Variants in SORCS1 observed in about 807,000 individuals in gnomAD.
The protein encoded by SORCS1 is VPS10 domain-containing receptor SorCS1.
A neutral mutation model predicts 146.1 loss-of-function variants in SORCS1; 60 were observed. The ratio of observed to expected loss-of-function variants is 0.41; its 90% CI spans 0.33 to 0.51. The LOEUF (loss-of-function observed/expected upper bound fraction) is 0.51. Ranked by LOEUF, SORCS1 falls within the 20% of genes least tolerant of loss-of-function variation. SORCS1 has a pLI of 0.21. For synonymous variants in SORCS1, 637 were observed against 584.0 expected (o/e 1.09, Z -1.31); for missense variants, 1,352 against 1,487.6 (o/e 0.91, Z 1.50).
chr10:107,153,836 T>C (rs917273313), intron 1 of SORCS1, among the ~76,000 whole-genome samples: 3 of 152,132 alleles, frequency 2.0e-5, no homozygotes, highest in Admixed American at 6.5e-5. Flanking sequence ...ACAAAAAGAA[T>C]GAACACAAGA....
intron 2 of SORCS1, among the ~76,000 whole-genome samples, chr10:106,849,686 T>A (rs1949463568): frequency 6.6e-6 from 1 of 151,106 alleles, no homozygotes; most frequent in Admixed American, 6.6e-5. Flanking sequence ...TTCCAGTTTT[T>A]CTGTTCTGTT....
intron 1 of SORCS1, among the ~76,000 whole-genome samples, chr10:107,110,978 T>G (rs1438570722): frequency 6.6e-6 from 1 of 152,074 alleles, no homozygotes; most frequent in Non-Finnish European, 1.5e-5. Flanking sequence ...CTGCCAACTG[T>G]GGGTCCCCTC....
chr10:106,940,298 C>T (rs1182107797), intron 2 of SORCS1, among the ~76,000 whole-genome samples: 6 of 152,188 alleles, frequency 3.9e-5, no homozygotes, highest in South Asian at 2.1e-4. Context: ...ACAGATGACA[C>T]AGATAACATA....
At chr10:106,752,500 C>A (rs1330095525) in intron 5 of SORCS1, among the ~76,000 whole-genome samples, 3 of 152,272 alleles carry the variant, frequency 2.0e-5, no homozygotes, top group East Asian at 3.9e-4. Flanking sequence ...CTTACTAGTG[C>A]TTACTATTAC....
At position 107,164,460 on chromosome 10, in the gene SORCS1, G is replaced by A. The variant is rs898197054; in HGVS notation, c.67C>T (p.Leu23Phe). The A allele has an allele frequency of 3.6e-6, 5 of 1,372,244 alleles. No individual in the cohort carries two copies. Among genetic ancestry groups the A allele is most frequent in the Non-Finnish European group, 3.7e-6 (4 of 1,070,782 alleles). The allele number at this position is 1,372,244 out of a possible 1,614,324, so 85.0% of individuals were successfully genotyped here. Reference protein sequence around the residue: ...RLSALLAGAGLLILCAPGVCG... With the variant: ...RLSALLAGAGFLILCAPGVCG... ...ACGCCCGGGGCGCAGAGGATCAAGA[G>A]CCCCGCGCCGGCGAGGAGCGCGCTC... The change falls in exon 1 of 26, where the codon CTC (leucine) becomes TTC (phenylalanine). Residue 23 changes from leucine to phenylalanine, a missense_variant. Leu to Phe is a conservative substitution (Grantham distance 22). Around this residue, in one of 3 missense-constraint regions of SORCS1, gnomAD observed 490 missense variants for 489.1 expected, o/e 1.00. Transcript: ENST00000263054. This position sits in a 1 kb window ranked among gnomAD's most constrained non-coding sequence, Gnocchi z 6.8.
intron 1 of SORCS1, among the ~76,000 whole-genome samples, chr10:107,057,231 T>A (rs1043901549): frequency 2.8e-4 from 42 of 151,996 alleles, no homozygotes; most frequent in Admixed American, 2.8e-3. Context: ...AGAAAAAAAA[T>A]TATTCATAAA....
chr10:106,967,896 G>A (rs552632778), intron 1 of SORCS1, among the ~76,000 whole-genome samples: 1 of 151,534 alleles, frequency 6.6e-6, no homozygotes, highest in Admixed American at 6.6e-5. Context: ...CTCTCTGAAA[G>A]TCTATTAAAA....
At chr10:106,671,915 T>C (rs946903661) in intron 15 of SORCS1, among the ~76,000 whole-genome samples, 2 of 152,176 alleles carry the variant, frequency 1.3e-5, no homozygotes, top group Non-Finnish European at 2.9e-5. Flanking sequence ...ATAAAAGCTT[T>C]GAATATCACA....
intron 2 of SORCS1, among the ~76,000 whole-genome samples, chr10:106,832,994 T>C (rs1446786459): frequency 1.3e-5 from 2 of 152,190 alleles, no homozygotes; most frequent in African/African-American, 2.4e-5. Context: ...CATCCTTATT[T>C]GCATGTGTGT....
At chr10:106,963,358 G>A (rs998751408) in intron 1 of SORCS1, among the ~76,000 whole-genome samples, 22 of 151,730 alleles carry the variant, frequency 1.4e-4, no homozygotes, top group African/African-American at 4.4e-4. Flanking sequence ...CTTGTGATCC[G>A]CCCACCTCGG....
intron 5 of SORCS1, among the ~76,000 whole-genome samples, chr10:106,743,540 T>C (rs1339351612): frequency 6.6e-6 from 1 of 152,180 alleles, no homozygotes; most frequent in East Asian, 1.9e-4. Context: ...TTCTCCTGCC[T>C]CAGCCTCCTG....
intron 1 of SORCS1, among the ~76,000 whole-genome samples, chr10:107,048,923 A>AT (rs1198852388): frequency 3.3e-5 from 5 of 152,170 alleles, no homozygotes; most frequent in Admixed American, 3.3e-4. Context: ...TAAAAGGAGA[A>AT]TAGCAACACA....
intron 1 of SORCS1, among the ~76,000 whole-genome samples, chr10:107,032,325 G>C (rs1435028983): frequency 1.3e-5 from 2 of 152,160 alleles, no homozygotes; most frequent in Non-Finnish European, 2.9e-5. Context: ...CAAAAGCCTT[G>C]AGGGCTGAAA....
intron 3 of SORCS1, among the ~76,000 whole-genome samples, chr10:106,779,102 G>A (rs529197400): frequency 3.7e-4 from 56 of 152,184 alleles, no homozygotes; most frequent in African/African-American, 1.3e-3. Flanking sequence ...AAAGCGACTC[G>A]TATCTTTGGC....
At chr10:106,888,187 A>C (rs1331899529) in intron 2 of SORCS1, among the ~76,000 whole-genome samples, 1 of 152,232 alleles carries the variant, frequency 6.6e-6, no homozygotes, top group Non-Finnish European at 1.5e-5. Flanking sequence ...TTGAGGTAAT[A>C]GTTTATAGAA....
chr10:106,750,590 T>G (rs13376948), intron 5 of SORCS1, among the ~76,000 whole-genome samples: 30,403 of 145,754 alleles, frequency 0.21, 3,642 homozygotes, highest in East Asian at 0.48. Flanking sequence ...TTAGCCAGGC[T>G]TGGTGGCGGA....
At chr10:107,106,624 A>G (rs2134421048) in intron 1 of SORCS1, among the ~76,000 whole-genome samples, 2 of 152,338 alleles carry the variant, frequency 1.3e-5, no homozygotes, top group East Asian at 3.9e-4. Flanking sequence ...AGTATCAGGA[A>G]TAAAGATTCT....
rs139961098 is a variant in SORCS1 at position 107,060,228 on chromosome 10, A to G, written c.559-103648T>C. Among the ~76,000 whole-genome samples, 15 of 152,206 alleles carry G rather than the reference A, an allele frequency of 9.9e-5. No homozygotes were observed. ...ATGACAATGAGGATCTGAAGTTTAC[A>G]TGCTGTCTTCAGAATGTTTTATCCA... On this transcript the variant is annotated intron_variant, in intron 1 of 25. Transcript: ENST00000263054. The surrounding 1 kb of genome is among the most constrained non-coding windows in gnomAD (Gnocchi z 4.1).
chr10:106,665,797 T>C lies in SORCS1; in HGVS notation c.2303+1892A>G, dbSNP rs550239745. Among the ~76,000 whole-genome samples, 4 of 152,288 alleles carry C rather than the reference T, an allele frequency of 2.6e-5. No homozygotes were observed. The East Asian group carries it at 5.8e-4, about 22-fold the overall frequency. On this transcript the variant is annotated intron_variant, in intron 17 of 25. Transcript: ENST00000263054. ...ATGCGAACTTGACTGCGCCATAGTA[T>C]GCCCAGATATTTGGTCAAATGTTAC...
Sources: allele counts gnomAD v4.1 joint callset (sites outside exome capture counted in the v4.1 genomes callset), GRCh38; gene constraint gnomAD v4.1.1; regional missense constraint gnomAD v4.1.1; non-coding constraint Gnocchi (gnomAD v3.1); transcripts MANE v1.5; gene names NCBI Gene and HGNC (gene_info 2026-07-23, HGNC 2026-07-21).